KCNQ3: variants seen among roughly 807,000 people sequenced by gnomAD.
The protein encoded by KCNQ3 is potassium voltage-gated channel subfamily Q member 3.
In KCNQ3, 30 loss-of-function variants were observed where a neutral mutation model predicts 92.5. That is an observed-to-expected ratio of 0.32 (90% CI 0.24 to 0.44). KCNQ3 has a LOEUF of 0.44. Among genes scored for constraint, KCNQ3 ranks in the 20% least tolerant of loss-of-function variants. The probability of loss-of-function intolerance (pLI) is 1.00; values close to 1 mark genes in which losing one functional copy is unlikely to be tolerated. For missense variants in KCNQ3, 913 were observed against 1,140.3 expected, an observed-to-expected ratio of 0.80 and a Z score of 2.87; for synonymous variants, 450 against 468.8, an observed-to-expected ratio of 0.96 and a Z score of 0.52.
chr8:132,169,105 G>A (rs1826230039), intron 8 of KCNQ3, among the ~76,000 whole-genome samples: 1 of 152,168 alleles, frequency 6.6e-6, no homozygotes, highest in African/African-American at 2.4e-5. Context: ...GGTTCAAAGT[G>A]TCAGAGCCTG....
In KCNQ3 at chr8:132,136,045, G is replaced by A. The variant is rs957865462; in HGVS notation, c.1701-1657C>T. Reference sequence around the variant, plus strand: ...GAGGCAGGAGAATCACTTGAACCCGGGAGGCAGAGGTTGCAGTGAGCCGAG... The same window carrying A: ...GAGGCAGGAGAATCACTTGAACCCGAGAGGCAGAGGTTGCAGTGAGCCGAG... On this transcript the variant is annotated intron_variant, in intron 12 of 14. Coordinates refer to ENST00000388996, the MANE Select transcript of KCNQ3 (RefSeq NM_004519.4). 6.7e-5 allele frequency among the ~76,000 whole-genome samples: 10 copies of A among 149,494 alleles called. No homozygotes were observed. The East Asian group carries it at 1.8e-3, about 27-fold the overall frequency.
At position 132,320,723 on chromosome 8, in the gene KCNQ3, C is replaced by G. The variant is rs1283955528; in HGVS notation, c.387-134542G>C. On this transcript the variant is annotated intron_variant, in intron 1 of 14. Coordinates refer to ENST00000388996, the MANE Select transcript of KCNQ3 (RefSeq NM_004519.4). ...CCAGAGCCCCTGAAATTACATTTAA[C>G]ACCAAGCAGAAAAGGGAAGGAAGGG... Among the ~76,000 whole-genome samples the G allele has an allele frequency of 4.6e-5, 7 of 152,042 alleles. No homozygotes were observed. The East Asian group carries it at 1.4e-3, about 29-fold the overall frequency.
intron 2 of KCNQ3, among the ~76,000 whole-genome samples, 167 bp downstream of exon 2, chr8:132,185,924 T>C (rs570904809): frequency 2.0e-5 from 3 of 152,206 alleles, no homozygotes; most frequent in Non-Finnish European, 4.4e-5. Flanking sequence ...CATGTGCCCA[T>C]GGCGGGCCAT....
chr8:132,286,162 C>A (rs771843031), intron 1 of KCNQ3, among the ~76,000 whole-genome samples: 10 of 152,146 alleles, frequency 6.6e-5, no homozygotes, highest in Non-Finnish European at 1.5e-4. Context: ...AAGGTTGGGG[C>A]CACTGTCAGG....
chr8:132,365,479 C>A (rs1819296128), intron 1 of KCNQ3, among the ~76,000 whole-genome samples: 1 of 152,210 alleles, frequency 6.6e-6, no homozygotes, highest in Non-Finnish European at 1.5e-5. Flanking sequence ...AGCACCTTGG[C>A]TGGAGGGGAT....
chr8:132,224,111 C>CTTTTTTTTTTTTTTTTTT (rs1178797269), intron 1 of KCNQ3, among the ~76,000 whole-genome samples: 34 of 63,772 alleles, frequency 5.3e-4, no homozygotes, highest in Middle Eastern at 0.01. Context: ...TTTTTTTTTG[C>CTTTTTTTTTTTTTTTTTT]TTTTGGAGAG....
At chr8:132,411,541 T>G (rs1351337070) in intron 1 of KCNQ3, among the ~76,000 whole-genome samples, 1 of 152,000 alleles carries the variant, frequency 6.6e-6, no homozygotes, top group Non-Finnish European at 1.5e-5. Context: ...CAGGTGTTGG[T>G]GAGGGAGGCT....
intron 1 of KCNQ3, among the ~76,000 whole-genome samples, chr8:132,364,670 T>TGGAC (rs142558838): frequency 0.014 from 2,022 of 149,206 alleles, 26 homozygotes; most frequent in Admixed American, 0.034. Flanking sequence ...AGTAAATGGA[T>TGGAC]GGACGGACGG....
chr8:132,448,278 C>A (rs139012543), intron 1 of KCNQ3, among the ~76,000 whole-genome samples: 1 of 152,058 alleles, frequency 6.6e-6, no homozygotes, highest in Non-Finnish European at 1.5e-5. Context: ...AATTACTTTT[C>A]TTCACTGTAA....
At chr8:132,349,146 A>G (rs973428289) in intron 1 of KCNQ3, among the ~76,000 whole-genome samples, 1 of 152,152 alleles carries the variant, frequency 6.6e-6, no homozygotes, top group African/African-American at 2.4e-5. Flanking sequence ...AGATTGTCAG[A>G]GCTGGAAGAG....
intron 1 of KCNQ3, among the ~76,000 whole-genome samples, chr8:132,227,613 TAC>T (rs1482914766): frequency 6.6e-6 from 1 of 152,224 alleles, no homozygotes; most frequent in African/African-American, 2.4e-5. Context: ...AGCAAACTAA[TAC>T]AGAGGGCCTC....
At chr8:132,324,819 G>T (rs746996084) in intron 1 of KCNQ3, among the ~76,000 whole-genome samples, 17 of 152,072 alleles carry the variant, frequency 1.1e-4, no homozygotes, top group Non-Finnish European at 1.9e-4. Context: ...CAGCTCTGCT[G>T]GCTCCAGAGC....
At chr8:132,254,529 T>C (rs1815516812) in intron 1 of KCNQ3, among the ~76,000 whole-genome samples, 2 of 152,180 alleles carry the variant, frequency 1.3e-5, no homozygotes, top group African/African-American at 2.4e-5. Flanking sequence ...TGGATCTCCT[T>C]GAGGTAAAAG....
chr8:132,214,185 C>T (rs918517694), intron 1 of KCNQ3, among the ~76,000 whole-genome samples: 1 of 152,164 alleles, frequency 6.6e-6, no homozygotes, highest in Non-Finnish European at 1.5e-5. Flanking sequence ...AGCTACAGTT[C>T]CCTCCTGGTA....
chr8:132,224,384 C>T (rs772102513), intron 1 of KCNQ3, among the ~76,000 whole-genome samples: 4 of 152,024 alleles, frequency 2.6e-5, no homozygotes, highest in Non-Finnish European at 4.4e-5. Flanking sequence ...TTAACTCAGG[C>T]TCATTCTGAT....
chr8:132,280,287 T>C (rs1816473224), intron 1 of KCNQ3, among the ~76,000 whole-genome samples: 1 of 152,140 alleles, frequency 6.6e-6, no homozygotes, highest in African/African-American at 2.4e-5. Flanking sequence ...GGGTAACTTA[T>C]AAGAAAAGAG....
intron 1 of KCNQ3, among the ~76,000 whole-genome samples, chr8:132,251,225 C>T (rs1211287780): frequency 1.3e-5 from 2 of 152,014 alleles, no homozygotes; most frequent in African/African-American, 2.4e-5. Flanking sequence ...CATGAGTGCA[C>T]CACTGCACTC....
chr8:132,217,316 C>T (rs16904629), intron 1 of KCNQ3, among the ~76,000 whole-genome samples: 7,345 of 152,188 alleles, frequency 0.048, 594 homozygotes, highest in African/African-American at 0.17. Flanking sequence ...TTATTGATTA[C>T]TTACTATGTG....
intron 4 of KCNQ3, among the ~76,000 whole-genome samples, chr8:132,179,678 T>C (rs1343515303): frequency 6.6e-6 from 1 of 152,212 alleles, no homozygotes; most frequent in Non-Finnish European, 1.5e-5. Flanking sequence ...GCATTATTAT[T>C]CTAATTTTAT....
Sources: gnomAD v4.1 joint callset for allele counts (sites outside exome capture counted in the v4.1 genomes callset) on GRCh38, gnomAD v4.1.1 for gene constraint, MANE v1.5 for transcripts, NCBI Gene and HGNC (gene_info 2026-07-23, HGNC 2026-07-21) for gene names.